Variants in ASTN2 observed in about 807,000 individuals in gnomAD.
The protein encoded by ASTN2 is astrotactin 2.
In ASTN2, 54 loss-of-function variants were observed where a neutral mutation model predicts 139.8. The observed-to-expected ratio is 0.39, with a 90% CI of 0.31 to 0.48. ASTN2 has a LOEUF of 0.48. Ranked by LOEUF, ASTN2 falls within the 20% of genes least tolerant of loss-of-function variation. The pLI is 0.95. For missense variants in ASTN2, 1,565 were observed against 1,725.1 expected (o/e 0.91, Z 1.64); for synonymous variants, 756 against 719.5 (o/e 1.05, Z -0.81).
intron 19 of ASTN2, among the ~76,000 whole-genome samples, chr9:116,513,787 CA>C (rs1298098518): frequency 6.6e-6 from 1 of 152,112 alleles, no homozygotes; most frequent in Non-Finnish European, 1.5e-5. Flanking sequence ...TCCAGCTGAT[CA>C]AATCGGCTAC....
In ASTN2 at chr9:116,781,302, T is replaced by A. The variant is rs537051653; in HGVS notation, c.2396+24330A>T. Among the ~76,000 whole-genome samples the A allele has an allele frequency of 1.4e-3, 218 of 152,168 alleles. 2 individuals are homozygous for A. The highest frequency in any genetic ancestry group is 2.5e-3 in the Non-Finnish European group (173 of 67,992). ...CAGAGTGACTATGATAACCAAAAAATAAACTAAATCAACATTGACAAGGAA... is the reference window on the plus strand; with the variant it reads ...CAGAGTGACTATGATAACCAAAAAAAAAACTAAATCAACATTGACAAGGAA... On this transcript the variant is annotated intron_variant, in intron 13 of 22. Coordinates refer to ENST00000313400, the MANE Select transcript of ASTN2 (RefSeq NM_001365068.1).
chr9:117,250,731 C>T (rs1833513920), intron 2 of ASTN2, among the ~76,000 whole-genome samples: 1 of 152,178 alleles, frequency 6.6e-6, no homozygotes, highest in Non-Finnish European at 1.5e-5. Flanking sequence ...TCCAAGGTCT[C>T]ATGAGAAACA....
chr9:117,149,303 C>T (rs570422830), intron 3 of ASTN2, among the ~76,000 whole-genome samples: 1 of 152,156 alleles, frequency 6.6e-6, no homozygotes, highest in Non-Finnish European at 1.5e-5. Flanking sequence ...CAGGCATGAG[C>T]CACTACACCT....
At chr9:116,514,579 T>G (rs1383729783) in intron 19 of ASTN2, among the ~76,000 whole-genome samples, 1 of 152,220 alleles carries the variant, frequency 6.6e-6, no homozygotes, top group African/African-American at 2.4e-5. Context: ...CTGCCTTTTG[T>G]TAGGCTATGC....
chr9:117,293,396 A>G (rs767583286), intron 1 of ASTN2, among the ~76,000 whole-genome samples: 4 of 152,108 alleles, frequency 2.6e-5, no homozygotes, highest in South Asian at 2.1e-4. Context: ...CAGTCTTTGC[A>G]TGGCCTCCTA....
intron 7 of ASTN2, among the ~76,000 whole-genome samples, chr9:116,985,085 A>G (rs1836637816): frequency 6.6e-6 from 1 of 152,206 alleles, no homozygotes; most frequent in Non-Finnish European, 1.5e-5. Flanking sequence ...GACCTGAGGT[A>G]GTTCCCTCCC....
intron 11 of ASTN2, among the ~76,000 whole-genome samples, chr9:116,830,857 A>G (rs1831792814): frequency 6.6e-6 from 1 of 152,082 alleles, no homozygotes; most frequent in Non-Finnish European, 1.5e-5. Context: ...TACTGCAACA[A>G]TAATAACATA....
chr9:116,890,031 C>T (rs1564325329), intron 10 of ASTN2, among the ~76,000 whole-genome samples: 1 of 152,156 alleles, frequency 6.6e-6, no homozygotes. Context: ...CCAGATAATG[C>T]TAAAGCTCAT....
rs529553238 is a variant in ASTN2 at position 116,509,879 on chromosome 9, T to C, written c.3356-22379A>G. ...TTTCTTTTTTTCTTGTAAATTTGTTTGAGTTCGTTGTAGATTCTGGATATT... is the reference window on the plus strand; with the variant it reads ...TTTCTTTTTTTCTTGTAAATTTGTTCGAGTTCGTTGTAGATTCTGGATATT... On this transcript the variant is annotated intron_variant, in intron 19 of 22. Transcript: ENST00000313400. Among the ~76,000 whole-genome samples the C allele has an allele frequency of 3.9e-5, 6 of 152,300 alleles. No homozygotes were observed. The South Asian group carries it at 8.3e-4, about 21-fold the overall frequency.
At chr9:117,371,929 C>T (rs890172254) in intron 1 of ASTN2, among the ~76,000 whole-genome samples, 5 of 152,090 alleles carry the variant, frequency 3.3e-5, no homozygotes, top group South Asian at 2.1e-4. Flanking sequence ...CAGGGCTCTT[C>T]GTCTGCCTTG....
rs1832310394 is a variant in ASTN2 at position 116,843,036 on chromosome 9, C to T, written c.2040+20547G>A. 2.0e-5 allele frequency among the ~76,000 whole-genome samples: 3 copies of T among 152,182 alleles called. No individual in the cohort carries two copies. In the South Asian group the frequency reaches 6.2e-4, roughly 31 times the overall value. On this transcript the variant is annotated intron_variant, in intron 11 of 22. Coordinates refer to ENST00000313400, the MANE Select transcript of ASTN2 (RefSeq NM_001365068.1). ...TTTTGCCCTCAGCCAGGCCTGGCCT[C>T]CTCTTCCTGAAGAATCTTATGTATC... is the stretch of plus-strand genomic sequence containing the variant.
rs1488918769 is a variant in ASTN2, at chr9:116,721,647, G to C, written c.2806+4124C>G. On this transcript the variant is annotated intron_variant, in intron 16 of 22. Transcript: ENST00000313400. ...ATGTCTGGAACCTAGAGCTTCCAGG[G>C]ATGACTTTGGCTGCTCTAGTTGTTT... Among the ~76,000 whole-genome samples the C allele has an allele frequency of 2.6e-5, 4 of 152,162 alleles. No homozygotes were observed. The East Asian group carries it at 7.7e-4, about 29-fold the overall frequency.
At chr9:116,586,118 A>T (rs1285901958) in intron 19 of ASTN2, 1 of 152,240 alleles carries the variant, frequency 6.6e-6, no homozygotes, top group Admixed American at 6.5e-5. Flanking sequence ...ACTAGTCAGA[A>T]TGGCTATTAT....
intron 5 of ASTN2, among the ~76,000 whole-genome samples, chr9:117,060,510 A>G (rs10983481): frequency 0.46 from 37,066 of 81,170 alleles, 10,588 homozygotes; most frequent in Middle Eastern, 0.57. Context: ...AGAAAGAAAG[A>G]AAGGAAGGAA....
At chr9:117,016,146 T>A (rs1397698322) in intron 6 of ASTN2, among the ~76,000 whole-genome samples, 1 of 152,092 alleles carries the variant, frequency 6.6e-6, no homozygotes, top group Non-Finnish European at 1.5e-5. Context: ...AGAATGTATG[T>A]TATAATCAGA....
At chr9:116,608,983 A>G (rs1488412753) in intron 19 of ASTN2, among the ~76,000 whole-genome samples, 1 of 152,182 alleles carries the variant, frequency 6.6e-6, no homozygotes, top group Non-Finnish European at 1.5e-5. Flanking sequence ...GATGAACAAT[A>G]AATTGCACTT....
intron 19 of ASTN2, among the ~76,000 whole-genome samples, chr9:116,508,429 T>C (rs1295271856): frequency 6.6e-6 from 1 of 152,144 alleles, no homozygotes; most frequent in Non-Finnish European, 1.5e-5. Flanking sequence ...TCCCACTGAA[T>C]GTGTTCAACA....
chr9:116,709,334 G>C (rs117296720), intron 16 of ASTN2, among the ~76,000 whole-genome samples: 3 of 152,314 alleles, frequency 2.0e-5, no homozygotes, highest in East Asian at 3.9e-4. Context: ...GCAATCAACA[G>C]AGTGAAGAGT....
intron 6 of ASTN2, among the ~76,000 whole-genome samples, chr9:117,012,027 C>T (rs1045794657): frequency 3.3e-5 from 5 of 152,248 alleles, no homozygotes; most frequent in East Asian, 3.9e-4. Flanking sequence ...GGTCATGACT[C>T]GTTAGTCCTT....
Sources: allele counts gnomAD v4.1 joint callset (sites outside exome capture counted in the v4.1 genomes callset), GRCh38; gene constraint gnomAD v4.1.1; transcripts MANE v1.5; gene names NCBI Gene and HGNC (gene_info 2026-07-23, HGNC 2026-07-21).